The following AFF2 variants were observed in gnomAD, a reference collection of about 807,000 sequenced individuals.
AFF2 encodes the protein AF4/FMR2 family member 2.
In AFF2, 14 loss-of-function variants were observed where a neutral mutation model predicts 76.9. The observed-to-expected ratio is 0.18, with a 90% confidence interval of 0.12 to 0.28. The LOEUF (loss-of-function observed/expected upper bound fraction) is 0.28, where lower values mean the gene tolerates loss of function less well. Ranked by LOEUF, AFF2 falls within the 10% of genes least tolerant of loss-of-function variation. The probability of loss-of-function intolerance (pLI) is 1.00; values close to 1 mark genes in which losing one functional copy is unlikely to be tolerated. For missense variants in AFF2, 868 were observed against 1,001.1 expected, an observed-to-expected ratio of 0.87 and a Z score of 1.79; for synonymous variants, 398 against 366.7, an observed-to-expected ratio of 1.09 and a Z score of -0.98.
At chrX:148,921,368 C>G (rs1557283186) in intron 9 of AFF2, among the ~76,000 whole-genome samples, 1 of 112,168 alleles carries the variant, frequency 8.9e-6, no homozygotes, top group Admixed American at 9.4e-5. Context: ...GAACATTTCT[C>G]TCACCCCCCA....
At chrX:148,691,239 G>C (rs1166338882) in intron 3 of AFF2, among the ~76,000 whole-genome samples, 1 of 112,239 alleles carries the variant, frequency 8.9e-6, no homozygotes, top group Non-Finnish European at 1.9e-5. Flanking sequence ...GCCTAGAACA[G>C]TGGTAGTGTG....
Position 148,501,926 on chromosome X carries a change from G to A in AFF2, c.47+782G>A, listed in dbSNP as rs782693644. ...CAGCTCAGATTCAAAGGTTGAGTCA[G>A]CTCTTCACAAAATACCCTAAACTTG... On this transcript the variant is annotated intron_variant, in intron 1 of 20. Coordinates refer to ENST00000370460, the MANE Select transcript of AFF2 (RefSeq NM_002025.4). Among the ~76,000 whole-genome samples, 10 of 112,408 alleles carry A rather than the reference G, an allele frequency of 8.9e-5. No individual in the cohort carries two copies. The South Asian group carries it at 3.7e-3, about 41-fold the overall frequency.
intron 3 of AFF2, among the ~76,000 whole-genome samples, chrX:148,761,634 C>G (rs945483106): frequency 9.0e-6 from 1 of 110,806 alleles, no homozygotes; most frequent in African/African-American, 3.3e-5. Flanking sequence ...AGTCCTGACT[C>G]TATGTCAGGC....
intron 7 of AFF2, among the ~76,000 whole-genome samples, chrX:148,874,057 A>G (rs782323422): frequency 1.8e-5 from 2 of 111,791 alleles, no homozygotes; most frequent in African/African-American, 3.3e-5. Context: ...TATGAATAAT[A>G]GGATAGAAAT....
chrX:148,629,101 TTGTG>T (rs58772444), intron 1 of AFF2, among the ~76,000 whole-genome samples: 53 of 102,816 alleles, frequency 5.2e-4, no homozygotes, highest in Non-Finnish European at 7.6e-4. Flanking sequence ...TGACAAGAGT[TTGTG>T]TGTGTGTGTG....
At chrX:148,624,601 A>G (rs1026318270) in intron 1 of AFF2, among the ~76,000 whole-genome samples, 1 of 112,332 alleles carries the variant, frequency 8.9e-6, no homozygotes, top group Admixed American at 9.4e-5. Context: ...TTGAAAATCA[A>G]TGTAATTAGT....
intron 3 of AFF2, among the ~76,000 whole-genome samples, chrX:148,753,567 A>C (rs1467365179): frequency 8.9e-6 from 1 of 112,064 alleles, no homozygotes; most frequent in East Asian, 2.8e-4. Flanking sequence ...TTTTTCATGT[A>C]ATAGCTTTTC....
Position 148,956,167 on chromosome X carries a change from C to A in AFF2, c.2122C>A (p.Arg708=). Residue 708 remains arginine, a synonymous_variant, in exon 11 of 21, where the codon CGG becomes AGG. Transcript: ENST00000370460. ...RGPGKIVPKS[R]EFIETDSSTS... is the part of the protein sequence containing the mutation. ...GCCTGGCAAGATTGTGCCAAAGTCT[C>A]GGGAATTCATTGAAACAGATTCATC... 8.3e-7 allele frequency: 1 copy of A among 1,210,655 alleles called. No individual in the cohort carries two copies. Among genetic ancestry groups the A allele is most frequent in the Non-Finnish European group, 1.1e-6 (1 of 895,221 alleles).
intron 3 of AFF2, among the ~76,000 whole-genome samples, chrX:148,674,139 G>A (rs782182180): frequency 1.5e-4 from 17 of 112,214 alleles, no homozygotes; most frequent in Non-Finnish European, 2.6e-4. Flanking sequence ...ATGGGTGTGT[G>A]CCAATAAAAT....
chrX:148,991,360 G>A lies in AFF2; in HGVS notation c.*28G>A, dbSNP rs781945867. ...GGTGTTCTCAGATCTCTAGCATCAC[G>A]ACCCATCACTCTACCTCTACCAGCG... On this transcript the variant is annotated 3_prime_UTR_variant, in exon 21 of 21. Transcript: ENST00000370460. 51 of 1,174,124 alleles carry A rather than the reference G, an allele frequency of 4.3e-5. No homozygotes were observed. In the Middle Eastern group the frequency reaches 1.2e-3, roughly 27 times the overall value.
At chrX:148,511,916 T>C (rs180969725) in intron 1 of AFF2, among the ~76,000 whole-genome samples, 99 of 112,431 alleles carry the variant, frequency 8.8e-4, no homozygotes, top group African/African-American at 3.1e-3. Flanking sequence ...TTTTATTATT[T>C]TCAAATTGCA....
rs782618905 is a variant in AFF2, at chrX:148,962,803, C to T, written c.2779C>T (p.Arg927Cys). 36 of 1,208,617 alleles carry T rather than the reference C, an allele frequency of 3.0e-5. No homozygotes were observed. Among genetic ancestry groups the T allele is most frequent in the Non-Finnish European group, 3.5e-5 (31 of 893,960 alleles). The change falls in exon 13 of 21, where the codon CGC (arginine) becomes TGC (cysteine). Residue 927 changes from arginine (R) to cysteine (C), a missense_variant. This residue lies in a region of AFF2 where 532 missense variants were observed against 564.2 expected (regional missense o/e 0.94). Coordinates refer to ENST00000370460, the MANE Select transcript of AFF2 (RefSeq NM_002025.4). ...CCCACTGCCAGAGGACCCTCCACGCCGCAGAAATGTCAGTGGCAATAATGG... is the reference window on the plus strand; with the variant it reads ...CCCACTGCCAGAGGACCCTCCACGCTGCAGAAATGTCAGTGGCAATAATGG... The part of the protein sequence containing the change: ...LSPLPEDPPR[R>C]RNVSGNNGPF...
At chrX:148,524,121 C>CTGTGTG (rs1433893462) in intron 1 of AFF2, among the ~76,000 whole-genome samples, 4 of 80,429 alleles carry the variant, frequency 5.0e-5, no homozygotes, top group African/African-American at 1.9e-4. Context: ...CTCTCTCTCT[C>CTGTGTG]TCTGTGTGTG....
At chrX:148,715,671 G>T (rs1174906412) in intron 3 of AFF2, among the ~76,000 whole-genome samples, 1 of 111,962 alleles carries the variant, frequency 8.9e-6, no homozygotes, top group Non-Finnish European at 1.9e-5. Context: ...AATCCAGATG[G>T]ATGAATTCAC....
chrX:148,683,943 T>C (rs1400623711), intron 3 of AFF2, among the ~76,000 whole-genome samples: 2 of 111,868 alleles, frequency 1.8e-5, no homozygotes, highest in Non-Finnish European at 3.8e-5. Context: ...AACAGAAAGT[T>C]ACTTTCTGTG....
chrX:148,704,428 T>TTA (rs1220632238), intron 3 of AFF2, among the ~76,000 whole-genome samples: 20 of 35,509 alleles, frequency 5.6e-4, no homozygotes, highest in South Asian at 1.7e-3. Context: ...AGATATATAT[T>TTA]TATATATGTG....
chrX:148,696,905 C>T (rs191697013), intron 3 of AFF2, among the ~76,000 whole-genome samples: 1,709 of 112,139 alleles, frequency 0.015, 16 homozygotes, highest in Non-Finnish European at 0.025. Context: ...GCCACTTCTG[C>T]TCCCAAAAGT....
intron 7 of AFF2, among the ~76,000 whole-genome samples, chrX:148,884,250 G>A (rs1225188302): frequency 8.9e-5 from 10 of 111,919 alleles, no homozygotes; most frequent in South Asian, 3.7e-4. Context: ...TAGTTTATCC[G>A]AAAGCCACTC....
At chrX:148,833,646 A>G (rs2070484060) in intron 4 of AFF2, among the ~76,000 whole-genome samples, 1 of 111,131 alleles carries the variant, frequency 9.0e-6, no homozygotes, top group African/African-American at 3.3e-5. Flanking sequence ...GAACAAATGC[A>G]AAGAATCCAC....
Sources: gnomAD v4.1 joint callset for allele counts (sites outside exome capture counted in the v4.1 genomes callset) on GRCh38, gnomAD v4.1.1 for gene constraint, gnomAD v4.1.1 regional missense constraint, MANE v1.5 for transcripts, NCBI Gene and HGNC (gene_info 2026-07-23, HGNC 2026-07-21) for gene names.